Variants in MSR1 observed in about 807,000 individuals in gnomAD.
MSR1 encodes the protein macrophage scavenger receptor types I and II.
MSR1 carries 53 observed loss-of-function variants against 47.2 expected under a neutral mutation model. The observed-to-expected ratio is 1.12, with a 90% CI of 0.90 to 1.41. MSR1 has a LOEUF of 1.41. Among genes scored for constraint, MSR1 ranks in the 40% most tolerant of loss-of-function variants. The pLI, the probability that MSR1 is intolerant of heterozygous loss-of-function variation, is 0.00. For missense variants in MSR1, 786 were observed against 546.9 expected, an observed-to-expected ratio of 1.44 and a Z score of -4.36; for synonymous variants, 239 against 185.6, an observed-to-expected ratio of 1.29 and a Z score of -2.34.
intron 1 of MSR1, among the ~76,000 whole-genome samples, chr8:16,180,419 C>G (rs1261901339): frequency 6.6e-6 from 1 of 152,108 alleles, no homozygotes; most frequent in Non-Finnish European, 1.5e-5. Flanking sequence ...ATTTGCAATT[C>G]CAACAAATTC....
chr8:16,160,690 G>C lies in MSR1; in HGVS notation c.817+3375C>G, dbSNP rs535140625. On this transcript the variant is annotated intron_variant, in intron 5 of 9. Transcript: ENST00000262101. Reference sequence around the variant, plus strand: ...GGTAACTTCAAGTGGAGCCAAGAAGGAGTAGAGACGTAGAGAAGAACCTTT... The same window carrying C: ...GGTAACTTCAAGTGGAGCCAAGAAGCAGTAGAGACGTAGAGAAGAACCTTT... Among the ~76,000 whole-genome samples, 16 of 152,124 alleles carry C rather than the reference G, an allele frequency of 1.1e-4. 1 individual carries two copies. In the South Asian group the frequency reaches 2.9e-3, roughly 28 times the overall value.
chr8:16,133,405 C>T (rs1800311250), intron 8 of MSR1, among the ~76,000 whole-genome samples: 2 of 152,138 alleles, frequency 1.3e-5, no homozygotes, highest in African/African-American at 2.4e-5. Flanking sequence ...CCAATGATTT[C>T]CCATTGAAAC....
At chr8:16,180,248 C>A (rs919250549) in intron 1 of MSR1, among the ~76,000 whole-genome samples, 1 of 151,972 alleles carries the variant, frequency 6.6e-6, no homozygotes, top group African/African-American at 2.4e-5. Context: ...TGTCCTTGTA[C>A]CTTTTCCAGC....
chr8:16,147,255 TTTCTC>T (rs201175066), intron 7 of MSR1, among the ~76,000 whole-genome samples: 1,991 of 152,242 alleles, frequency 0.013, 17 homozygotes, highest in Middle Eastern at 0.044. Context: ...AAGTCTTCTC[TTTCTC>T]TTCTCATGTT....
At chr8:16,120,266 A>T in intron 9 of MSR1, 152 bp downstream of exon 9, 1 of 787,332 alleles carries the variant, frequency 1.3e-6, no homozygotes, top group Non-Finnish European at 2.1e-6. Flanking sequence ...AGTCCCAGCT[A>T]CTAGGCAGGC....
In MSR1 at chr8:16,109,169, C is replaced by T. The variant is rs1486919012; in HGVS notation, c.*916G>A. On this transcript the variant is annotated 3_prime_UTR_variant, in exon 10 of 10. Transcript: ENST00000262101. ...TGTCCCTTTAGGACTAAAGACGCAC[C>T]CCCCACCCCCCCCCCCGCCCTTTGG... The T allele has an allele frequency of 6.7e-4, 13 of 19,470 alleles. No individual in the cohort carries two copies. The highest frequency in any genetic ancestry group is 2.7e-3 in the Non-Finnish European group (13 of 4,846). 1.2% of individuals were successfully genotyped at this position (19,470 alleles called of 1,614,324 possible). A position where few individuals can be genotyped will look rare whatever the true frequency, so the allele number is the denominator to read the frequency against.
At chr8:16,118,923 G>C (rs1248140266) in intron 9 of MSR1, among the ~76,000 whole-genome samples, 1 of 152,098 alleles carries the variant, frequency 6.6e-6, no homozygotes, top group East Asian at 1.9e-4. Flanking sequence ...TTTTATAGGT[G>C]CAAGAATGAT....
At chr8:16,176,121 G>A (rs968758864) in intron 2 of MSR1, among the ~76,000 whole-genome samples, 1 of 152,100 alleles carries the variant, frequency 6.6e-6, no homozygotes, top group African/African-American at 2.4e-5. Context: ...AAAAGTAAAT[G>A]TTGCTTTCAG....
chr8:16,129,906 T>C (rs1800216540), intron 8 of MSR1, among the ~76,000 whole-genome samples: 1 of 152,160 alleles, frequency 6.6e-6, no homozygotes, highest in African/African-American at 2.4e-5. Flanking sequence ...AATTTCTTAC[T>C]GCAGAATAGG....
chr8:16,156,961 C>T (rs1266147774), intron 5 of MSR1, among the ~76,000 whole-genome samples: 1 of 151,882 alleles, frequency 6.6e-6, no homozygotes, highest in Non-Finnish European at 1.5e-5. Flanking sequence ...CCATTCAACA[C>T]TACATAGCAA....
At position 16,140,342 on chromosome 8, in the gene MSR1, G is replaced by C. The variant is rs550861517; in HGVS notation, c.1033+3216C>G. On this transcript the variant is annotated intron_variant, in intron 8 of 9. Coordinates refer to ENST00000262101, the MANE Select transcript of MSR1 (RefSeq NM_138715.3). ...CTTTACTTTGATCAAAAATGCTTTG[G>C]AAAGAGACCAGTATTCATTGAAGAT... 1.4e-4 allele frequency: 137 copies of C among 984,926 alleles called. No individual in the cohort carries two copies. In the African/African-American group the frequency reaches 2.2e-3, roughly 16 times the overall value. 61.0% of individuals were successfully genotyped at this position (984,926 alleles called of 1,614,324 possible). A position where few individuals can be genotyped will look rare whatever the true frequency, so the allele number is the denominator to read the frequency against.
chr8:16,176,390 C>G (rs187765874), intron 2 of MSR1, among the ~76,000 whole-genome samples: 38 of 151,612 alleles, frequency 2.5e-4, no homozygotes, highest in Non-Finnish European at 2.5e-4. Context: ...CCCTGTAACC[C>G]AAGATACTTA....
intron 8 of MSR1, among the ~76,000 whole-genome samples, chr8:16,135,982 T>G (rs1004809902): frequency 6.6e-6 from 1 of 151,782 alleles, no homozygotes; most frequent in Non-Finnish European, 1.5e-5. Flanking sequence ...TTGCTTCTTA[T>G]GGATGAGCAA....
chr8:16,158,856 A>G (rs1801083472), intron 5 of MSR1, among the ~76,000 whole-genome samples: 1 of 150,108 alleles, frequency 6.7e-6, no homozygotes, highest in South Asian at 2.1e-4. Context: ...CTGTTCTTCC[A>G]TTATTCCTCA....
intron 3 of MSR1, among the ~76,000 whole-genome samples, chr8:16,174,329 A>G (rs1269722816): frequency 6.6e-6 from 1 of 152,150 alleles, no homozygotes; most frequent in East Asian, 1.9e-4. Context: ...ATTAGAGCAC[A>G]TGGGCAGACA....
intron 8 of MSR1, among the ~76,000 whole-genome samples, chr8:16,134,842 TA>T (rs1283432271): frequency 6.6e-6 from 1 of 152,174 alleles, no homozygotes; most frequent in Non-Finnish European, 1.5e-5. Context: ...ATTGCCGATA[TA>T]AAGTTTTAGT....
At chr8:16,158,042 T>C (rs1340230128) in intron 5 of MSR1, among the ~76,000 whole-genome samples, 1 of 151,944 alleles carries the variant, frequency 6.6e-6, no homozygotes, top group Admixed American at 6.6e-5. Context: ...CATACTGACA[T>C]AATAACTGCC....
At chr8:16,164,354 T>C (rs547997180) in intron 4 of MSR1, 103 bp from the exon 5 acceptor site, 3 of 920,530 alleles carry the variant, frequency 3.3e-6, no homozygotes, top group East Asian at 5.2e-5. Context: ...AAACATATTA[T>C]GGGAGTTTTA....
intron 1 of MSR1, among the ~76,000 whole-genome samples, chr8:16,179,011 C>G (rs1313572317): frequency 6.6e-6 from 1 of 152,146 alleles, no homozygotes; most frequent in East Asian, 1.9e-4. Context: ...TAAGTTTTAA[C>G]TTTCACGTAA....
Sources: gnomAD v4.1 joint callset for allele counts (sites outside exome capture counted in the v4.1 genomes callset) on GRCh38, gnomAD v4.1.1 for gene constraint, MANE v1.5 for transcripts, NCBI Gene and HGNC (gene_info 2026-07-23, HGNC 2026-07-21) for gene names.